Variants in ROBO1 observed in about 807,000 individuals in gnomAD.
The protein encoded by ROBO1 is roundabout homolog 1.
A neutral mutation model predicts 195.9 loss-of-function variants in ROBO1; 149 were observed. The ratio of observed to expected loss-of-function variants is 0.76; its 90% CI spans 0.67 to 0.87. The LOEUF (loss-of-function observed/expected upper bound fraction) is 0.87, where lower values mean the gene tolerates loss of function less well. Among genes scored for constraint, ROBO1 ranks in the 40% least tolerant of loss-of-function variants. The probability of loss-of-function intolerance (pLI) is 0.00; values close to 1 mark genes in which losing one functional copy is unlikely to be tolerated. For synonymous variants in ROBO1, 816 were observed against 733.2 expected, an observed-to-expected ratio of 1.11 and a Z score of -1.82; for missense variants, 1,933 against 2,068.3, an observed-to-expected ratio of 0.93 and a Z score of 1.27.
At chr3:78,834,545 A>G (rs2032525520) in intron 4 of ROBO1, among the ~76,000 whole-genome samples, 1 of 151,608 alleles carries the variant, frequency 6.6e-6, no homozygotes, top group South Asian at 2.1e-4. Context: ...CATCAAAACC[A>G]CAAATATGTA....
intron 3 of ROBO1, among the ~76,000 whole-genome samples, chr3:78,964,082 T>C (rs1260661594): frequency 1.3e-5 from 2 of 151,992 alleles, no homozygotes; most frequent in Non-Finnish European, 2.9e-5. Context: ...TTCCTGGCAG[T>C]TCCCCGGCGG....
At chr3:78,804,861 C>G (rs576583805) in intron 4 of ROBO1, among the ~76,000 whole-genome samples, 1 of 151,910 alleles carries the variant, frequency 6.6e-6, no homozygotes, top group Non-Finnish European at 1.5e-5. Flanking sequence ...TTAAGAGTTC[C>G]AGTGTCTATT....
At chr3:79,257,856 G>A (rs559643814) in intron 2 of ROBO1, among the ~76,000 whole-genome samples, 22 of 152,146 alleles carry the variant, frequency 1.4e-4, no homozygotes, top group Middle Eastern at 6.8e-3. Flanking sequence ...AACCAAAAAT[G>A]ATGACTAAAA....
At chr3:79,686,363 C>G (rs1306163161) in intron 1 of ROBO1, among the ~76,000 whole-genome samples, 1 of 152,122 alleles carries the variant, frequency 6.6e-6, no homozygotes, top group African/African-American at 2.4e-5. Context: ...GTTGGAAGTT[C>G]TGGCCAGGGC....
intron 2 of ROBO1, among the ~76,000 whole-genome samples, chr3:79,416,258 G>C (rs1218220391): frequency 6.6e-6 from 1 of 151,946 alleles, no homozygotes; most frequent in Non-Finnish European, 1.5e-5. Context: ...CCAGGCAAGA[G>C]ATGATAAATG....
chr3:78,864,804 GA>G (rs961921177), intron 4 of ROBO1, among the ~76,000 whole-genome samples: 12 of 127,908 alleles, frequency 9.4e-5, no homozygotes, highest in African/African-American at 2.0e-4. Context: ...TTGTACACAA[GA>G]AAAAAAAAAG....
At chr3:78,964,543 A>G (rs2041574935) in intron 3 of ROBO1, among the ~76,000 whole-genome samples, 1 of 152,186 alleles carries the variant, frequency 6.6e-6, no homozygotes, top group South Asian at 2.1e-4. Flanking sequence ...GCAACACAGA[A>G]GTTCTTAAAA....
Position 79,184,787 on chromosome 3 carries a change from G to A in ROBO1, c.89-59248C>T, listed in dbSNP as rs145188797. On this transcript the variant is annotated intron_variant, in intron 2 of 30. Coordinates refer to ENST00000464233, the MANE Select transcript of ROBO1 (RefSeq NM_002941.4). ...GGGAAATTGCTGGAGCCTTTCGATT[G>A]TATGTATTCCTATCAAGAGTTTCCT... Among the ~76,000 whole-genome samples, 1,227 of 152,262 alleles carry A rather than the reference G, an allele frequency of 8.1e-3. 18 individuals carry two copies. Among genetic ancestry groups the A allele is most frequent in the African/African-American group, 0.026 (1,090 of 41,552 alleles).
intron 4 of ROBO1, among the ~76,000 whole-genome samples, chr3:78,902,143 A>AAAATATCTTCTAGGATTTATGAAAT (rs2037628899): frequency 1.3e-5 from 2 of 152,192 alleles, no homozygotes; most frequent in Non-Finnish European, 2.9e-5. Context: ...TTGTAGGGGT[A>AAAATATCTTCTAGGATTTATGAAAT]AAATATCTTC....
At chr3:79,710,814 C>T (rs929778822) in intron 1 of ROBO1, among the ~76,000 whole-genome samples, 1 of 152,076 alleles carries the variant, frequency 6.6e-6, no homozygotes, top group Non-Finnish European at 1.5e-5. Flanking sequence ...GGTGAAGGAA[C>T]CTACTTGTCA....
At position 79,125,511 on chromosome 3, in the gene ROBO1, G is replaced by A; in HGVS notation, c.117C>T (p.Asp39=). 1 of 1,613,662 alleles carries A rather than the reference G, an allele frequency of 6.2e-7. No homozygotes were observed. Among genetic ancestry groups the A allele is most frequent in the Non-Finnish European group, 8.5e-7 (1 of 1,179,762 alleles). Residue 39 remains aspartate, a synonymous_variant, in exon 3 of 31, where the codon GAC becomes GAT. Transcript: ENST00000464233. ...CAGAGGTGGGGATTGGCGTCCCGTGGTCGTTCCCCCTCTCTACATCTTCAG... is the reference window on the plus strand; with the variant it reads ...CAGAGGTGGGGATTGGCGTCCCGTGATCGTTCCCCCTCTCTACATCTTCAG... ...PDPEDVERGN[D]HGTPIPTSDN... is the part of the protein sequence containing the mutation.
intron 4 of ROBO1, among the ~76,000 whole-genome samples, chr3:78,849,693 G>C (rs973664559): frequency 6.6e-6 from 1 of 151,828 alleles, no homozygotes; most frequent in Non-Finnish European, 1.5e-5. Context: ...AAAGAGATTT[G>C]ACAGGAGGTT....
intron 3 of ROBO1, among the ~76,000 whole-genome samples, chr3:79,019,700 T>A (rs951086129): frequency 9.9e-5 from 15 of 151,968 alleles, no homozygotes; most frequent in African/African-American, 3.6e-4. Context: ...AACTGTCTTG[T>A]TTCTCTCGCC....
At chr3:79,060,700 C>G (rs1038835212) in intron 3 of ROBO1, among the ~76,000 whole-genome samples, 2 of 151,990 alleles carry the variant, frequency 1.3e-5, no homozygotes, top group African/African-American at 4.8e-5. Context: ...TCAACATATG[C>G]AAATCAACAA....
intron 1 of ROBO1, among the ~76,000 whole-genome samples, chr3:79,643,238 C>A (rs938961527): frequency 1.3e-5 from 2 of 152,150 alleles, no homozygotes; most frequent in Non-Finnish European, 2.9e-5. Flanking sequence ...AGTGGTTTGC[C>A]AGGGGCTCCT....
chr3:79,332,904 A>G (rs1331186632), intron 2 of ROBO1, among the ~76,000 whole-genome samples: 1 of 152,152 alleles, frequency 6.6e-6, no homozygotes, highest in Non-Finnish European at 1.5e-5. Context: ...TAAATAATAA[A>G]ATATCACTTT....
At chr3:78,939,949 G>A (rs2040044129) in intron 3 of ROBO1, among the ~76,000 whole-genome samples, 1 of 151,966 alleles carries the variant, frequency 6.6e-6, no homozygotes, top group Admixed American at 6.6e-5. Flanking sequence ...AATATTTTCT[G>A]TGTCTGTACC....
intron 1 of ROBO1, among the ~76,000 whole-genome samples, chr3:79,767,318 G>C (rs1288229857): frequency 6.6e-6 from 1 of 152,118 alleles, no homozygotes; most frequent in Non-Finnish European, 1.5e-5. Flanking sequence ...CACCGCTGAT[G>C]CTCGCCGCAT....
At chr3:79,371,111 C>T (rs951039949) in intron 2 of ROBO1, among the ~76,000 whole-genome samples, 1 of 152,020 alleles carries the variant, frequency 6.6e-6, no homozygotes, top group Non-Finnish European at 1.5e-5. Context: ...GTTGGTTCCA[C>T]GTCTTTGCTA....
Sources: allele counts gnomAD v4.1 joint callset (sites outside exome capture counted in the v4.1 genomes callset), GRCh38; gene constraint gnomAD v4.1.1; transcripts MANE v1.5; gene names NCBI Gene and HGNC (gene_info 2026-07-23, HGNC 2026-07-21).